PIK3R5: variants seen among roughly 807,000 people sequenced by gnomAD.
PIK3R5 encodes the protein phosphoinositide-3-kinase regulatory subunit 5.
PIK3R5 carries 32 observed loss-of-function variants against 94.9 expected under a neutral mutation model. That is an observed-to-expected ratio of 0.34 (90% CI 0.25 to 0.45). The LOEUF is 0.45. PIK3R5 is among the 20% of genes least tolerant of loss of function. PIK3R5 has a pLI of 1.00. For missense variants in PIK3R5, 853 were observed against 1,144.6 expected (o/e 0.75, Z 3.68); for synonymous variants, 443 against 479.4 (o/e 0.92, Z 0.99).
In PIK3R5 at chr17:8,888,953, C is replaced by T. The variant is rs2151370859; in HGVS notation, c.896-62G>A. The T allele has an allele frequency of 6.5e-7, 1 of 1,547,314 alleles. No individual in the cohort carries two copies. The highest frequency in any genetic ancestry group is 8.7e-7 in the Non-Finnish European group (1 of 1,151,258). The stretch of plus-strand genomic sequence containing the variant: ...GGGCCCCGGATCCCCTTCTATATTC[C>T]CTTTGGAGGGGAGACAGCAGGACTC... On this transcript the variant is annotated intron_variant, in intron 9 of 18. Coordinates refer to ENST00000447110, the MANE Select transcript of PIK3R5 (RefSeq NM_001142633.3). The surrounding 1 kb of genome is among the most constrained non-coding windows in gnomAD (Gnocchi z 7.8).
In PIK3R5 at chr17:8,909,399, C is replaced by T. The variant is rs1030711604; in HGVS notation, c.104-225G>A. On this transcript the variant is annotated intron_variant, in intron 2 of 18. Transcript: ENST00000447110. The surrounding 1 kb of genome is among the most constrained non-coding windows in gnomAD (Gnocchi z 4.3). ...CTGCCTCCCGGGTTCAAGCGATTCC[C>T]CTGCCTCAGCCTCCCAAGTAGCTGG... Among the ~76,000 whole-genome samples the T allele has an allele frequency of 3.9e-5, 6 of 152,264 alleles. No homozygotes were observed. Among genetic ancestry groups the T allele is most frequent in the Admixed American group, 1.3e-4 (2 of 15,290 alleles).
In PIK3R5 at chr17:8,892,735, G is replaced by C. The variant is rs1226844403; in HGVS notation, c.482+851C>G. The stretch of plus-strand genomic sequence containing the variant: ...TTTTCACCTAGAGGGAAGTCAAGAA[G>C]TGTTGCTCAGGGGAGTGAGTGGGAA... On this transcript the variant is annotated intron_variant, in intron 6 of 18. Transcript: ENST00000447110. This position sits in a 1 kb window ranked among gnomAD's most constrained non-coding sequence, Gnocchi z 4.3. Among the ~76,000 whole-genome samples the C allele has an allele frequency of 3.9e-5, 6 of 152,308 alleles. No homozygotes were observed. The South Asian group carries it at 6.2e-4, about 16-fold the overall frequency.
At chr17:8,905,643 C>CA in intron 4 of PIK3R5, 26 bp downstream of exon 4, 1 of 1,563,098 alleles carries the variant, frequency 6.4e-7, no homozygotes, top group Non-Finnish European at 8.7e-7. Context: ...CCCTCACCTC[C>CA]AGCATCCTGG....
intron 1 of PIK3R5, among the ~76,000 whole-genome samples, chr17:8,952,508 C>A (rs1055403230): frequency 6.6e-6 from 1 of 152,202 alleles, no homozygotes; most frequent in Non-Finnish European, 1.5e-5. Context: ...GGAGTCCCCA[C>A]CTCTGTGTGT....
At chr17:8,910,138 G>C (rs943666793) in intron 2 of PIK3R5, among the ~76,000 whole-genome samples, 1 of 152,194 alleles carries the variant, frequency 6.6e-6, no homozygotes, top group African/African-American at 2.4e-5. Flanking sequence ...GAGCAGGGAG[G>C]GGCTGTGTGT....
At chr17:8,922,975 G>T (rs2090785506) in intron 1 of PIK3R5, among the ~76,000 whole-genome samples, 1 of 152,160 alleles carries the variant, frequency 6.6e-6, no homozygotes, top group South Asian at 2.1e-4. Flanking sequence ...CTTTACCAAG[G>T]AAGGGGCACA....
At position 8,904,751 on chromosome 17, in the gene PIK3R5, C is replaced by T. The variant is rs369014469; in HGVS notation, c.412+26G>A. 28 of 1,612,642 alleles carry T rather than the reference C, an allele frequency of 1.7e-5. No individual in the cohort carries two copies. In the African/African-American group the frequency reaches 3.5e-4, roughly 20 times the overall value. On this transcript the variant is annotated intron_variant, in intron 5 of 18. Transcript: ENST00000447110. This position sits in a 1 kb window ranked among gnomAD's most constrained non-coding sequence, Gnocchi z 5.1. ...CATTCTGACCTTCTGAGCCCTGTCC[C>T]CCGTGCCAGCTGCCTCAGTGCTTAC...
intron 1 of PIK3R5, among the ~76,000 whole-genome samples, chr17:8,938,026 G>A (rs907595201): frequency 6.6e-6 from 1 of 152,148 alleles, no homozygotes; most frequent in Non-Finnish European, 1.5e-5. Flanking sequence ...GGCCAGGCTG[G>A]TCTTGAACGC....
rs2090530129 is a variant in PIK3R5 at position 8,911,756 on chromosome 17, G to A, written c.-13-249C>T. On this transcript the variant is annotated intron_variant, in intron 1 of 18. Transcript: ENST00000447110. This position sits in a 1 kb window ranked among gnomAD's most constrained non-coding sequence, Gnocchi z 5.3. ...ACGGGACAGAGGTGTGGGAAGTAAG[G>A]GGTCAGGAATGGGAGCAGAGAGGTG... 2 of 399,364 alleles carry A rather than the reference G, an allele frequency of 5.0e-6. No individual in the cohort carries two copies. The highest frequency in any genetic ancestry group is 3.5e-5 in the South Asian group (1 of 28,240). 24.7% of individuals were successfully genotyped at this position (399,364 alleles called of 1,614,324 possible).
intron 1 of PIK3R5, among the ~76,000 whole-genome samples, chr17:8,961,294 AC>A (rs2091559004): frequency 6.6e-6 from 1 of 152,146 alleles, no homozygotes; most frequent in African/African-American, 2.4e-5. Flanking sequence ...GTGGGTGTGG[AC>A]CGTCTCTGGA....
intron 3 of PIK3R5, 59 bp from the exon 4 acceptor site, chr17:8,905,796 G>T: frequency 8.7e-7 from 1 of 1,142,868 alleles, no homozygotes; most frequent in Non-Finnish European, 1.3e-6. Flanking sequence ...GCTCCCTGAG[G>T]CAGAATACAG....
chr17:8,932,101 C>T (rs1192950547), intron 1 of PIK3R5, among the ~76,000 whole-genome samples: 6 of 151,786 alleles, frequency 4.0e-5, no homozygotes, highest in Non-Finnish European at 7.4e-5. Flanking sequence ...GAATAAAAAC[C>T]AAAGAGAGTA....
chr17:8,912,784 G>A (rs933096878), intron 1 of PIK3R5, among the ~76,000 whole-genome samples: 2 of 152,232 alleles, frequency 1.3e-5, no homozygotes, highest in African/African-American at 4.8e-5. Flanking sequence ...GCTTACGGAG[G>A]CCCCACACAG....
rs2089633239 is a variant in PIK3R5 at position 8,880,736 on chromosome 17, G to A, written c.2546C>T (p.Pro849Leu). The A allele has an allele frequency of 2.5e-6, 4 of 1,613,904 alleles. No individual in the cohort carries two copies. The highest frequency in any genetic ancestry group is 1.1e-5 in the South Asian group (1 of 91,054). Residue 849 changes from proline to leucine, a missense_variant, in exon 19 of 19, where the codon CCA (proline) becomes CTA (leucine). By Grantham distance (98) the Pro-to-Leu change is moderately conservative. Around this residue, in one of 6 missense-constraint regions of PIK3R5, gnomAD observed 91 missense variants for 90.5 expected, o/e 1.01. Coordinates refer to ENST00000447110, the MANE Select transcript of PIK3R5 (RefSeq NM_001142633.3). ...YKPEKSDLSS[P>L]PQTPPDLPAQ... ...CGGCAGGTCAGGAGGCGTCTGGGGT[G>A]GTGAGGAGAGGTCGCTCTTCTCTGG...
At chr17:8,944,200 T>C (rs1311583311) in intron 1 of PIK3R5, among the ~76,000 whole-genome samples, 2 of 152,236 alleles carry the variant, frequency 1.3e-5, no homozygotes, top group African/African-American at 2.4e-5. Context: ...TATTCTATTA[T>C]GTTATCTATT....
chr17:8,894,503 T>C (rs1237186180), intron 5 of PIK3R5, among the ~76,000 whole-genome samples: 1 of 152,144 alleles, frequency 6.6e-6, no homozygotes. Flanking sequence ...GGCATCTGCA[T>C]CCCAGGCTCC....
chr17:8,938,763 T>G (rs2091121686), intron 1 of PIK3R5, among the ~76,000 whole-genome samples: 1 of 152,244 alleles, frequency 6.6e-6, no homozygotes, highest in East Asian at 1.9e-4. Context: ...TACCAAGAAT[T>G]TCTCAGATAC....
intron 5 of PIK3R5, among the ~76,000 whole-genome samples, chr17:8,899,337 C>T (rs570506454): frequency 3.9e-5 from 6 of 152,274 alleles, no homozygotes; most frequent in African/African-American, 4.8e-5. Flanking sequence ...TAAGACTTCA[C>T]GGGGGGAGGG....
chr17:8,947,757 A>G (rs11657742), intron 1 of PIK3R5, among the ~76,000 whole-genome samples: 120,922 of 152,032 alleles, frequency 0.8, 48,474 homozygotes, highest in Non-Finnish European at 0.86. Flanking sequence ...TAAGAAAAAT[A>G]CAGCAGCTGG....
Sources: gnomAD v4.1 joint callset for allele counts (sites outside exome capture counted in the v4.1 genomes callset) on GRCh38, gnomAD v4.1.1 for gene constraint, gnomAD v4.1.1 regional missense constraint, Gnocchi (gnomAD v3.1) non-coding constraint, MANE v1.5 for transcripts, NCBI Gene and HGNC (gene_info 2026-07-23, HGNC 2026-07-21) for gene names.